The following AKAP8 variants were observed in gnomAD, a reference collection of about 807,000 sequenced individuals.
AKAP8 encodes A-kinase anchor protein 8.
In AKAP8, 24 loss-of-function variants were observed where a neutral mutation model predicts 67.5. The observed-to-expected ratio is 0.36, with a 90% CI of 0.26 to 0.50. The LOEUF is 0.50. Among genes scored for constraint, AKAP8 ranks in the 20% least tolerant of loss-of-function variants. The probability of loss-of-function intolerance (pLI) is 0.97; values close to 1 mark genes in which losing one functional copy is unlikely to be tolerated. For missense variants in AKAP8, 971 were observed against 955.9 expected, an observed-to-expected ratio of 1.02 and a Z score of -0.21; for synonymous variants, 400 against 371.1, an observed-to-expected ratio of 1.08 and a Z score of -0.90.
At chr19:15,376,302 G>A (rs1967251697) in intron 2 of AKAP8, among the ~76,000 whole-genome samples, 1 of 152,130 alleles carries the variant, frequency 6.6e-6, no homozygotes, top group Non-Finnish European at 1.5e-5. Context: ...TGATTATGAG[G>A]TCAGGAGTTC....
intron 1 of AKAP8, among the ~76,000 whole-genome samples, chr19:15,377,803 G>A (rs886686044): frequency 2.0e-5 from 3 of 152,102 alleles, no homozygotes; most frequent in Non-Finnish European, 2.9e-5. Context: ...CGGATCCCCT[G>A]GACCTTTAAG....
rs1430889486 is a variant in AKAP8, at chr19:15,369,910, G to A, written c.1072+236C>T. On this transcript the variant is annotated intron_variant, in intron 8 of 13. Transcript: ENST00000269701. The surrounding 1 kb of genome is among the most constrained non-coding windows in gnomAD (Gnocchi z 4.6). ...CCCAAGGCTGCCCCCCATCCCCACT[G>A]CAGCCCACATCGGGTCAGGCAGACA... 6.6e-6 allele frequency among the ~76,000 whole-genome samples: 1 copy of A among 152,206 alleles called. No individual in the cohort carries two copies. Among genetic ancestry groups the A allele is most frequent in the Non-Finnish European group, 1.5e-5 (1 of 68,032 alleles).
At chr19:15,363,114 C>G (rs1967001892) in intron 9 of AKAP8, among the ~76,000 whole-genome samples, 1 of 151,174 alleles carries the variant, frequency 6.6e-6, no homozygotes, top group Admixed American at 6.6e-5. Flanking sequence ...AGGAGCCCCT[C>G]CGCCCGGCAG....
intron 5 of AKAP8, 89 bp downstream of exon 5, chr19:15,372,762 A>G: frequency 1.4e-6 from 2 of 1,425,548 alleles, no homozygotes; most frequent in Middle Eastern, 1.8e-4. Flanking sequence ...AAAACATTTA[A>G]GTGAATGTTG....
intron 8 of AKAP8, 116 bp from the exon 9 acceptor site, chr19:15,368,438 G>C (rs1314839893): frequency 6.4e-7 from 1 of 1,574,652 alleles, no homozygotes; most frequent in Non-Finnish European, 8.6e-7. Context: ...GCCACTGCCT[G>C]CACCACGCGG....
At chr19:15,366,090 T>TC (rs1967063316) in intron 9 of AKAP8, among the ~76,000 whole-genome samples, 1 of 145,930 alleles carries the variant, frequency 6.9e-6, no homozygotes, top group Admixed American at 6.8e-5. Flanking sequence ...AGGTTTCTTT[T>TC]TTTTTTTTTA....
chr19:15,356,020 G>A lies in AKAP8; in HGVS notation c.1624-650C>T, dbSNP rs551197874. Reference sequence around the variant, plus strand: ...CAAAATGCTGGGATTACAGGCACGAGCCACCGTGCCTGGCCTGCAATTTTT... The same window carrying A: ...CAAAATGCTGGGATTACAGGCACGAACCACCGTGCCTGGCCTGCAATTTTT... On this transcript the variant is annotated intron_variant, in intron 13 of 13. Coordinates refer to ENST00000269701, the MANE Select transcript of AKAP8 (RefSeq NM_005858.4). Among the ~76,000 whole-genome samples, 716 of 152,160 alleles carry A rather than the reference G, an allele frequency of 4.7e-3. 4 individuals carry two copies. Among genetic ancestry groups the A allele is most frequent in the Non-Finnish European group, 8.6e-3 (587 of 68,014 alleles).
At chr19:15,357,704 CCCT>C (rs945027631) in intron 13 of AKAP8, among the ~76,000 whole-genome samples, 5 of 150,912 alleles carry the variant, frequency 3.3e-5, no homozygotes, top group Middle Eastern at 3.4e-3. Flanking sequence ...CATGTTTCCT[CCCT>C]CTTTTTTTTT....
intron 13 of AKAP8, 33 bp from the exon 14 acceptor site, chr19:15,355,403 G>A (rs1193622610): frequency 9.5e-6 from 15 of 1,582,834 alleles, no homozygotes; most frequent in East Asian, 4.5e-5. Context: ...TCAGCGTGGT[G>A]TAAGCAGAGC....
At chr19:15,365,840 T>C (rs528130681) in intron 9 of AKAP8, among the ~76,000 whole-genome samples, 1 of 152,136 alleles carries the variant, frequency 6.6e-6, no homozygotes, top group South Asian at 2.1e-4. Flanking sequence ...CTGGCCAACA[T>C]GGTGAAACCC....
At position 15,366,592 on chromosome 19, in the gene AKAP8, C is replaced by T. The variant is rs942830404; in HGVS notation, c.1160+1643G>A. 2.0e-5 allele frequency among the ~76,000 whole-genome samples: 3 copies of T among 150,368 alleles called. No homozygotes were observed. In the East Asian group the frequency reaches 6.0e-4, roughly 30 times the overall value. On this transcript the variant is annotated intron_variant, in intron 9 of 13. Transcript: ENST00000269701. ...CGTCGCCCACGCTGGAGTGCAGTAG[C>T]ACAATCTCGGCTCACTGAGATGGAG... is the stretch of plus-strand genomic sequence containing the variant.
At chr19:15,367,948 G>T (rs1967095363) in intron 9 of AKAP8, among the ~76,000 whole-genome samples, 1 of 152,200 alleles carries the variant, frequency 6.6e-6, no homozygotes, top group Non-Finnish European at 1.5e-5. Flanking sequence ...GATTCCAGAG[G>T]AATAGAGACA....
In AKAP8 at chr19:15,373,347, C is replaced by T; in HGVS notation, c.372-7G>A. The T allele has an allele frequency of 6.3e-7, 1 of 1,599,670 alleles. No homozygotes were observed. The highest frequency in any genetic ancestry group is 8.5e-7 in the Non-Finnish European group (1 of 1,172,602). Reference sequence around the variant, plus strand: ...CGGCTGGAAGCGGAAGGAGCTGCAACAGAAGCACAGCCCATCAGGGGCGGT... The same window carrying T: ...CGGCTGGAAGCGGAAGGAGCTGCAATAGAAGCACAGCCCATCAGGGGCGGT... On this transcript the variant is annotated splice_region_variant and splice_polypyrimidine_tract_variant and intron_variant, in intron 4 of 13. Coordinates refer to ENST00000269701, the MANE Select transcript of AKAP8 (RefSeq NM_005858.4).
intron 13 of AKAP8, among the ~76,000 whole-genome samples, chr19:15,356,755 C>T (rs1207031506): frequency 6.6e-6 from 1 of 152,142 alleles, no homozygotes; most frequent in Non-Finnish European, 1.5e-5. Flanking sequence ...GCCTGTAACC[C>T]CAGCAATTTG....
rs1047972003 is a variant in AKAP8, at chr19:15,361,105, T to G, written c.1397-127A>C. ...CAGAAGGGCACAGCCTGCCTTTCTATGGGGAGTATGGGTCAGCACATCGGC... is the reference window on the plus strand; with the variant it reads ...CAGAAGGGCACAGCCTGCCTTTCTAGGGGGAGTATGGGTCAGCACATCGGC... On this transcript the variant is annotated intron_variant, in intron 11 of 13. Coordinates refer to ENST00000269701, the MANE Select transcript of AKAP8 (RefSeq NM_005858.4). 7.5e-6 allele frequency: 9 copies of G among 1,199,658 alleles called. No homozygotes were observed. In the African/African-American group the frequency reaches 1.4e-4, roughly 18 times the overall value. 74.3% of individuals were successfully genotyped at this position (1,199,658 alleles called of 1,614,324 possible).
At chr19:15,374,731 C>A (rs886896557) in intron 2 of AKAP8, 96 bp from the exon 3 acceptor site, 7 of 1,434,216 alleles carry the variant, frequency 4.9e-6, no homozygotes, top group Non-Finnish European at 5.8e-6. Context: ...AGCCCCAGGG[C>A]CAGGGCTTCC....
At chr19:15,368,492 G>C in intron 8 of AKAP8, 170 bp from the exon 9 acceptor site, 1 of 985,308 alleles carries the variant, frequency 1.0e-6, no homozygotes, top group Non-Finnish European at 1.2e-6. Flanking sequence ...ACTCCTGGTG[G>C]ACACGGGCCT....
chr19:15,368,633 GTCCAA>G, intron 8 of AKAP8: 1 of 985,208 alleles, frequency 1.0e-6, no homozygotes, highest in Non-Finnish European at 1.2e-6. Flanking sequence ...CATTCTGCTT[GTCCAA>G]TCTCATGCCC....
chr19:15,368,528 A>G (rs1290367883), intron 8 of AKAP8: 2 of 985,276 alleles, frequency 2.0e-6, no homozygotes, highest in East Asian at 1.1e-4. Flanking sequence ...AGTAGTCACC[A>G]AACTCCCCAC....
Sources: gnomAD v4.1 joint callset for allele counts (sites outside exome capture counted in the v4.1 genomes callset) on GRCh38, gnomAD v4.1.1 for gene constraint, Gnocchi (gnomAD v3.1) non-coding constraint, MANE v1.5 for transcripts, NCBI Gene and HGNC (gene_info 2026-07-23, HGNC 2026-07-21) for gene names.